SLC35A1: variants seen among roughly 807,000 people sequenced by gnomAD.
SLC35A1 encodes the protein CMP-sialic acid transporter.
In SLC35A1, 21 loss-of-function variants were observed where a neutral mutation model predicts 40.3. The observed-to-expected ratio is 0.52, with a 90% CI of 0.37 to 0.75. The LOEUF (loss-of-function observed/expected upper bound fraction) is 0.75, where lower values mean the gene tolerates loss of function less well. Among genes scored for constraint, SLC35A1 ranks in the 30% least tolerant of loss-of-function variants. SLC35A1 has a pLI of 0.00. For missense variants in SLC35A1, 297 were observed against 382.1 expected (o/e 0.78, Z 1.86); for synonymous variants, 146 against 147.3 (o/e 0.99, Z 0.06).
At chr6:87,503,473 T>C (rs374187058) in intron 4 of SLC35A1, among the ~76,000 whole-genome samples, 10 of 152,106 alleles carry the variant, frequency 6.6e-5, no homozygotes, top group African/African-American at 2.2e-4. Context: ...ATAAAAATAT[T>C]ATGTGGCTGG....
intron 2 of SLC35A1, among the ~76,000 whole-genome samples, chr6:87,478,765 C>CA (rs969476384): frequency 6.6e-6 from 1 of 152,052 alleles, no homozygotes; most frequent in Admixed American, 6.5e-5. Context: ...GTGCCACACA[C>CA]AAAAAAACAG....
chr6:87,475,128 G>C (rs890797721), intron 1 of SLC35A1, among the ~76,000 whole-genome samples: 1 of 152,066 alleles, frequency 6.6e-6, no homozygotes, highest in Non-Finnish European at 1.5e-5. Flanking sequence ...ATCTGCTGTT[G>C]TAGGGAAAAA....
chr6:87,508,381 T>C (rs757216653), intron 5 of SLC35A1, 39 bp from the exon 6 acceptor site: 3 of 1,315,078 alleles, frequency 2.3e-6, no homozygotes, highest in East Asian at 2.3e-5. Context: ...AGTTAATTTA[T>C]AGTAATCTTT....
At chr6:87,506,293 G>A (rs1770080094) in intron 4 of SLC35A1, 89 bp from the exon 5 acceptor site, 3 of 993,918 alleles carry the variant, frequency 3.0e-6, no homozygotes, top group Non-Finnish European at 3.2e-6. Flanking sequence ...TAGTAAGACT[G>A]TAACAGGTTT....
At chr6:87,503,453 T>C (rs1024794488) in intron 4 of SLC35A1, among the ~76,000 whole-genome samples, 1 of 152,246 alleles carries the variant, frequency 6.6e-6, no homozygotes, top group African/African-American at 2.4e-5. Context: ...ACTACAGTTC[T>C]GTGTTGTCTA....
chr6:87,489,236 GGTGATGTTGGGA>G (rs962936501), intron 2 of SLC35A1, among the ~76,000 whole-genome samples: 1 of 151,976 alleles, frequency 6.6e-6, no homozygotes, highest in Non-Finnish European at 1.5e-5. Flanking sequence ...TCCCCAGTGT[GGTGATGTTGGGA>G]GGCGGGGTCT....
chr6:87,510,072 CTG>C (rs1770214731), intron 7 of SLC35A1, among the ~76,000 whole-genome samples: 1 of 152,202 alleles, frequency 6.6e-6, no homozygotes, highest in Admixed American at 6.5e-5. Context: ...CATTTCTTAA[CTG>C]TGCAGCCTTG....
chr6:87,489,295 A>C (rs1328384497), intron 2 of SLC35A1, among the ~76,000 whole-genome samples: 1 of 151,948 alleles, frequency 6.6e-6, no homozygotes, highest in Non-Finnish European at 1.5e-5. Flanking sequence ...CAAATTCCTC[A>C]TGAATGGTTT....
At chr6:87,498,841 TAAAAA>T (rs34170883) in intron 2 of SLC35A1, among the ~76,000 whole-genome samples, 18 of 151,258 alleles carry the variant, frequency 1.2e-4, no homozygotes, top group Admixed American at 3.3e-4. Flanking sequence ...ATTAAGCAGT[TAAAAA>T]AAAAGGCAAA....
At chr6:87,497,196 G>GCT (rs10659816) in intron 2 of SLC35A1, among the ~76,000 whole-genome samples, 62 of 150,438 alleles carry the variant, frequency 4.1e-4, no homozygotes, top group Admixed American at 1.1e-3. Flanking sequence ...AGCATCCTCT[G>GCT]TTTTTTTTTG....
At chr6:87,494,383 C>T (rs1262572194) in intron 2 of SLC35A1, among the ~76,000 whole-genome samples, 1 of 151,250 alleles carries the variant, frequency 6.6e-6, no homozygotes, top group South Asian at 2.1e-4. Context: ...ATTGCGAAAG[C>T]TGTACATGTA....
chr6:87,481,151 C>T (rs1769231210), intron 2 of SLC35A1, among the ~76,000 whole-genome samples: 2 of 152,196 alleles, frequency 1.3e-5, no homozygotes, highest in Admixed American at 6.5e-5. Flanking sequence ...CGCGGTGGCT[C>T]ATGCCTGTAA....
chr6:87,493,426 A>T (rs1562022326), intron 2 of SLC35A1, among the ~76,000 whole-genome samples: 1 of 151,854 alleles, frequency 6.6e-6, no homozygotes, highest in African/African-American at 2.4e-5. Flanking sequence ...TGAAATATAT[A>T]TGCATGTGTA....
chr6:87,495,305 A>G (rs1335201614), intron 2 of SLC35A1, among the ~76,000 whole-genome samples: 1 of 152,228 alleles, frequency 6.6e-6, no homozygotes, highest in Non-Finnish European at 1.5e-5. Context: ...TATAAAGACT[A>G]TCCCTAGCAG....
chr6:87,509,946 A>G (rs1770210876), intron 7 of SLC35A1, among the ~76,000 whole-genome samples: 1 of 152,224 alleles, frequency 6.6e-6, no homozygotes, highest in Non-Finnish European at 1.5e-5. Context: ...ATTAAGTAAA[A>G]GAGACCTGGC....
rs182478176 is a variant in SLC35A1 at position 87,477,621 on chromosome 6, A to G, written c.194+82A>G. 1.2e-5 allele frequency: 14 copies of G among 1,168,092 alleles called. No homozygotes were observed. The African/African-American group carries it at 2.0e-4, about 16-fold the overall frequency. The allele number at this position is 1,168,092 out of a possible 1,614,324, so 72.4% of individuals were successfully genotyped here. The stretch of plus-strand genomic sequence containing the variant: ...GTTAGAAAATTCAAGCTACATCTTT[A>G]TATGTTTAATTGCTCTGGGTCAGTG... On this transcript the variant is annotated intron_variant, in intron 2 of 7. Coordinates refer to ENST00000369552, the MANE Select transcript of SLC35A1 (RefSeq NM_006416.5).
At chr6:87,491,226 T>C (rs1167219913) in intron 2 of SLC35A1, among the ~76,000 whole-genome samples, 2 of 152,248 alleles carry the variant, frequency 1.3e-5, no homozygotes, top group African/African-American at 4.8e-5. Context: ...CAAAGGGCTC[T>C]AATGAGCATT....
intron 2 of SLC35A1, among the ~76,000 whole-genome samples, chr6:87,491,866 C>T (rs539038897): frequency 6.6e-6 from 1 of 152,296 alleles, no homozygotes; most frequent in African/African-American, 2.4e-5. Flanking sequence ...GGACTCTACC[C>T]TCATCACCTC....
At position 87,500,491 on chromosome 6, in the gene SLC35A1, C is replaced by G. The variant is rs1769884397; in HGVS notation, c.195-17C>G. On this transcript the variant is annotated splice_polypyrimidine_tract_variant and intron_variant, in intron 2 of 7. Transcript: ENST00000369552. ...TCTTCCTTACCACCCTCTCATCTCC[C>G]CCTTTTGTTTTCAAAGAGAAACTGG... 3 of 1,613,530 alleles carry G rather than the reference C, an allele frequency of 1.9e-6. No homozygotes were observed. Among genetic ancestry groups the G allele is most frequent in the Admixed American group, 1.7e-5 (1 of 59,998 alleles).
Sources: allele counts gnomAD v4.1 joint callset (sites outside exome capture counted in the v4.1 genomes callset), GRCh38; gene constraint gnomAD v4.1.1; transcripts MANE v1.5; gene names NCBI Gene and HGNC (gene_info 2026-07-23, HGNC 2026-07-21).